Variants in ZBTB20 observed in about 807,000 individuals in gnomAD.
ZBTB20 encodes zinc finger and BTB domain-containing protein 20.
Under a neutral mutation model 56.9 loss-of-function variants are expected in ZBTB20, and 9 were observed. The ratio of observed to expected loss-of-function variants is 0.16; its 90% CI spans 0.10 to 0.28. The LOEUF (loss-of-function observed/expected upper bound fraction) is 0.28. ZBTB20 is among the 10% of genes least tolerant of loss of function. The pLI, the probability that ZBTB20 is intolerant of heterozygous loss-of-function variation, is 1.00. For synonymous variants in ZBTB20, 417 were observed against 420.7 expected (o/e 0.99, Z 0.11); for missense variants, 655 against 1,003.0 (o/e 0.65, Z 4.69).
intron 4 of ZBTB20, among the ~76,000 whole-genome samples, chr3:114,891,786 C>T (rs1257825486): frequency 1.3e-5 from 2 of 152,174 alleles, no homozygotes; most frequent in South Asian, 4.1e-4. Context: ...GTGGCTCATG[C>T]CTGTAATCCT....
intron 2 of ZBTB20, among the ~76,000 whole-genome samples, chr3:114,977,203 T>C (rs73857878): frequency 0.055 from 8,410 of 152,262 alleles, 779 homozygotes; most frequent in African/African-American, 0.19. Context: ...TACACAGATA[T>C]CTGATTCATT....
At chr3:114,438,434 A>AC (rs1553712958) in intron 7 of ZBTB20, among the ~76,000 whole-genome samples, 9 of 127,574 alleles carry the variant, frequency 7.1e-5, no homozygotes, top group Admixed American at 6.1e-4. Context: ...AACAAAAAAA[A>AC]CCAAAAAAAA....
intron 2 of ZBTB20, among the ~76,000 whole-genome samples, chr3:114,980,175 T>C (rs2078271987): frequency 6.6e-6 from 1 of 152,024 alleles, no homozygotes; most frequent in South Asian, 2.1e-4. Context: ...TCATTCTGTT[T>C]ATTTTTATTT....
intron 3 of ZBTB20, among the ~76,000 whole-genome samples, chr3:114,915,549 T>G (rs2075711172): frequency 6.6e-6 from 1 of 151,940 alleles, no homozygotes; most frequent in South Asian, 2.1e-4. Flanking sequence ...ATTTCACTGA[T>G]CTTTTGTATT....
At chr3:114,446,179 T>C (rs930463105) in intron 7 of ZBTB20, among the ~76,000 whole-genome samples, 1 of 152,174 alleles carries the variant, frequency 6.6e-6, no homozygotes, top group Non-Finnish European at 1.5e-5. Flanking sequence ...TTATATGTTA[T>C]AAGGTTTGCA....
chr3:114,319,795 CTT>C lies in ZBTB20; in HGVS notation c.*19208_*19209del, dbSNP rs1017598380. ...TGTACACATACATCTTGAAAAACCACTTTCTCAAGCATATACATATATATATA... is the reference window on the plus strand; with the variant it reads ...TGTACACATACATCTTGAAAAACCACTCTCAAGCATATACATATATATATA... On this transcript the variant is annotated 3_prime_UTR_variant, in exon 12 of 12. Coordinates refer to ENST00000675478, the MANE Select transcript of ZBTB20 (RefSeq NM_001348800.3). 3 of 142,184 alleles carry C rather than the reference CTT, an allele frequency of 2.1e-5. No individual in the cohort carries two copies. Among genetic ancestry groups the C allele is most frequent in the East Asian group, 4.1e-4 (2 of 4,850 alleles). The allele number at this position is 142,184 out of a possible 1,614,324, so 8.8% of individuals were successfully genotyped here. A position where few individuals can be genotyped will look rare whatever the true frequency, so the allele number is the denominator to read the frequency against.
At chr3:114,676,771 ATTTTT>A (rs397873968) in intron 6 of ZBTB20, among the ~76,000 whole-genome samples, 1 of 123,320 alleles carries the variant, frequency 8.1e-6, no homozygotes, top group African/African-American at 3.0e-5. Flanking sequence ...GAACTAGGGG[ATTTTT>A]TTTTTTTTTT....
intron 4 of ZBTB20, among the ~76,000 whole-genome samples, chr3:114,848,473 C>T (rs537923904): frequency 1.1e-4 from 17 of 152,294 alleles, no homozygotes; most frequent in African/African-American, 3.8e-4. Context: ...CTCTGTGCCC[C>T]CAACAGACAT....
chr3:114,915,285 T>A (rs980141505), intron 3 of ZBTB20, among the ~76,000 whole-genome samples: 2 of 151,956 alleles, frequency 1.3e-5, no homozygotes, highest in African/African-American at 4.8e-5. Flanking sequence ...GAATTCATGG[T>A]TCAATCCTGG....
chr3:114,808,328 A>G (rs912183308), intron 4 of ZBTB20, among the ~76,000 whole-genome samples: 4 of 152,038 alleles, frequency 2.6e-5, no homozygotes, highest in African/African-American at 9.7e-5. Context: ...CTAACTATCA[A>G]GCAATGAAAA....
intron 3 of ZBTB20, among the ~76,000 whole-genome samples, chr3:114,937,477 CG>C (rs910932397): frequency 6.6e-6 from 1 of 151,216 alleles, no homozygotes; most frequent in African/African-American, 2.4e-5. Context: ...GCTGGAGTGC[CG>C]GGGCGCAATC....
At chr3:114,980,243 A>G (rs2078273560) in intron 2 of ZBTB20, among the ~76,000 whole-genome samples, 1 of 152,054 alleles carries the variant, frequency 6.6e-6, no homozygotes, top group Non-Finnish European at 1.5e-5. Flanking sequence ...ACAAATAAAT[A>G]AATTAAAACT....
intron 4 of ZBTB20, among the ~76,000 whole-genome samples, chr3:114,865,761 G>A (rs765275412): frequency 6.6e-6 from 1 of 152,144 alleles, no homozygotes; most frequent in Non-Finnish European, 1.5e-5. Context: ...GGAAAAAGGA[G>A]AAATCTTGTG....
chr3:114,782,467 G>C (rs1218842250), intron 5 of ZBTB20, among the ~76,000 whole-genome samples: 3 of 152,162 alleles, frequency 2.0e-5, no homozygotes, highest in Non-Finnish European at 4.4e-5. Flanking sequence ...CTGTGCTGGG[G>C]ATAAATGCTC....
intron 4 of ZBTB20, among the ~76,000 whole-genome samples, chr3:114,891,487 A>G (rs368740958): frequency 2.6e-5 from 4 of 152,176 alleles, no homozygotes; most frequent in East Asian, 3.8e-4. Flanking sequence ...GATGACAATA[A>G]ATTACCATTT....
chr3:114,641,644 T>A (rs2059568254), intron 6 of ZBTB20, among the ~76,000 whole-genome samples: 1 of 151,790 alleles, frequency 6.6e-6, no homozygotes, highest in African/African-American at 2.4e-5. Flanking sequence ...ACTAGCTAAA[T>A]TTTAAAAAAG....
At chr3:114,494,814 A>G (rs989178128) in intron 7 of ZBTB20, among the ~76,000 whole-genome samples, 1 of 152,208 alleles carries the variant, frequency 6.6e-6, no homozygotes, top group Admixed American at 6.5e-5. Flanking sequence ...ACCTTTATAA[A>G]AATTTTGGTT....
Position 114,350,454 on chromosome 3 carries a change from C to G in ZBTB20, c.1624G>C (p.Val542Leu). 6.2e-7 allele frequency: 1 copy of G among 1,613,998 alleles called. No individual in the cohort carries two copies. The change falls in exon 11 of 12, where the codon GTG becomes CTG. Residue 542 changes from valine to leucine, a missense_variant. Physicochemically the swap from Val to Leu is conservative, Grantham distance 32. Coordinates refer to ENST00000675478, the MANE Select transcript of ZBTB20 (RefSeq NM_001348800.3). ...AAGGTCGACAGACCGGGCTGGGACACTGTCACAAACTGGGTCTGCTGGCCT... is the reference window on the plus strand; with the variant it reads ...AAGGTCGACAGACCGGGCTGGGACAGTGTCACAAACTGGGTCTGCTGGCCT... ...LAGQQTQFVT[V>L]SQPGLSTFTA...
chr3:114,341,655 C>G (rs188347840), intron 11 of ZBTB20, among the ~76,000 whole-genome samples: 1 of 152,332 alleles, frequency 6.6e-6, no homozygotes, highest in East Asian at 1.9e-4. Context: ...ATGTTTCTCT[C>G]TATAGCATAT....
Sources: gnomAD v4.1 joint callset for allele counts (sites outside exome capture counted in the v4.1 genomes callset) on GRCh38, gnomAD v4.1.1 for gene constraint, MANE v1.5 for transcripts, NCBI Gene and HGNC (gene_info 2026-07-23, HGNC 2026-07-21) for gene names.